Variants in NRG1 observed in about 807,000 individuals in gnomAD.
NRG1 encodes the protein pro-neuregulin-1, membrane-bound isoform.
NRG1 carries 18 observed loss-of-function variants against 63.8 expected under a neutral mutation model. The ratio of observed to expected loss-of-function variants is 0.28; its 90% CI spans 0.19 to 0.42. NRG1 has a LOEUF of 0.42. NRG1 is among the 10% of genes least tolerant of loss of function. The pLI is 1.00. For missense variants in NRG1, 762 were observed against 814.7 expected (o/e 0.94, Z 0.79); for synonymous variants, 302 against 301.3 (o/e 1.00, Z -0.02).
At chr8:31,788,066 A>G (rs1223423390) in intron 1 of NRG1, among the ~76,000 whole-genome samples, 1 of 152,196 alleles carries the variant, frequency 6.6e-6, no homozygotes, top group Non-Finnish European at 1.5e-5. Context: ...GCTAGAAATT[A>G]CAGTCAGTGA....
At chr8:32,304,569 T>A (rs1855978727) in intron 1 of NRG1, among the ~76,000 whole-genome samples, 1 of 151,142 alleles carries the variant, frequency 6.6e-6, no homozygotes, top group South Asian at 2.1e-4. Context: ...CTTTTAAATA[T>A]TTGTTAATGA....
chr8:32,104,937 A>G (rs1831069686), intron 1 of NRG1, among the ~76,000 whole-genome samples: 1 of 152,050 alleles, frequency 6.6e-6, no homozygotes, highest in Non-Finnish European at 1.5e-5. Flanking sequence ...AAATACATGT[A>G]GAAGCAGTAC....
At chr8:32,667,132 G>T (rs1305426467) in intron 5 of NRG1, among the ~76,000 whole-genome samples, 1 of 152,136 alleles carries the variant, frequency 6.6e-6, no homozygotes, top group Non-Finnish European at 1.5e-5. Flanking sequence ...AGAATCTTTT[G>T]CTCCTAGGCT....
chr8:31,992,784 T>C (rs951521098), intron 1 of NRG1, among the ~76,000 whole-genome samples: 4 of 151,996 alleles, frequency 2.6e-5, no homozygotes, highest in African/African-American at 9.7e-5. Context: ...ATTAGCTCCA[T>C]TGCAAAATAG....
At chr8:31,823,393 T>C (rs1319379583) in intron 1 of NRG1, among the ~76,000 whole-genome samples, 2 of 152,226 alleles carry the variant, frequency 1.3e-5, no homozygotes, top group East Asian at 3.9e-4. Flanking sequence ...TTTATTATGC[T>C]AAAATTGTGT....
intron 1 of NRG1, among the ~76,000 whole-genome samples, chr8:32,007,907 G>A (rs1814046521): frequency 6.6e-6 from 1 of 151,834 alleles, no homozygotes; most frequent in Non-Finnish European, 1.5e-5. Flanking sequence ...ATGAGTGACT[G>A]CACTGTGATT....
chr8:32,684,592 A>G (rs1185798324), intron 5 of NRG1, among the ~76,000 whole-genome samples: 1 of 152,150 alleles, frequency 6.6e-6, no homozygotes, highest in Non-Finnish European at 1.5e-5. Flanking sequence ...GAAAGCTACA[A>G]GAGGTGTTAT....
chr8:32,456,009 C>T (rs1821549850), intron 1 of NRG1, among the ~76,000 whole-genome samples: 1 of 152,180 alleles, frequency 6.6e-6, no homozygotes, highest in South Asian at 2.1e-4. Flanking sequence ...GTCTGGAACT[C>T]TTGACTTCAA....
intron 5 of NRG1, among the ~76,000 whole-genome samples, chr8:32,669,131 A>C (rs377196646): frequency 6.6e-6 from 1 of 152,312 alleles, no homozygotes; most frequent in South Asian, 2.1e-4. Context: ...CTTATTTTAC[A>C]TTGTTCTGGA....
intron 1 of NRG1, among the ~76,000 whole-genome samples, chr8:32,401,972 G>A (rs748633761): frequency 5.9e-5 from 9 of 152,174 alleles, no homozygotes; most frequent in African/African-American, 9.6e-5. Flanking sequence ...GTGCAGTGGC[G>A]CGATCTTGGT....
At chr8:32,162,372 C>T (rs1838928557) in intron 1 of NRG1, among the ~76,000 whole-genome samples, 1 of 152,014 alleles carries the variant, frequency 6.6e-6, no homozygotes, top group Non-Finnish European at 1.5e-5. Context: ...CATTTTTCAC[C>T]TTGGATTCAG....
intron 1 of NRG1, among the ~76,000 whole-genome samples, chr8:32,419,494 G>A (rs924071833): frequency 6.6e-6 from 1 of 152,236 alleles, no homozygotes; most frequent in East Asian, 1.9e-4. Context: ...TGTAAAGGTA[G>A]AACTAGACCC....
chr8:32,396,963 C>A (rs1380454118), intron 1 of NRG1, among the ~76,000 whole-genome samples: 1 of 152,112 alleles, frequency 6.6e-6, no homozygotes, highest in East Asian at 1.9e-4. Context: ...TTCTTGTAGC[C>A]TCTATCCATT....
chr8:32,220,619 G>T (rs1454270923), intron 1 of NRG1, among the ~76,000 whole-genome samples: 1 of 152,116 alleles, frequency 6.6e-6, no homozygotes, highest in African/African-American at 2.4e-5. Context: ...AGAACTAGTC[G>T]GACCTAAGGG....
chr8:32,370,574 C>T (rs533018392), intron 1 of NRG1, among the ~76,000 whole-genome samples: 9 of 152,052 alleles, frequency 5.9e-5, no homozygotes, highest in Admixed American at 3.3e-4. Context: ...AGCTGTCTTA[C>T]GAGCCAGGCG....
intron 1 of NRG1, among the ~76,000 whole-genome samples, chr8:32,346,932 C>T (rs1804977916): frequency 6.6e-6 from 1 of 151,794 alleles, no homozygotes; most frequent in South Asian, 2.1e-4. Context: ...CAGGTTCATG[C>T]CATTCTCCTG....
chr8:31,758,508 A>G lies in NRG1; in HGVS notation c.37+119077A>G, dbSNP rs1817210472. 2.0e-5 allele frequency among the ~76,000 whole-genome samples: 3 copies of G among 152,298 alleles called. No individual in the cohort carries two copies. In the South Asian group the frequency reaches 6.2e-4, roughly 32 times the overall value. ...ACACTGAATAAAGAAACTGTGGCACATACACACCATGGAATACTGTGCAGC... is the reference window on the plus strand; with the variant it reads ...ACACTGAATAAAGAAACTGTGGCACGTACACACCATGGAATACTGTGCAGC... On this transcript the variant is annotated intron_variant, in intron 1 of 10. Transcript: ENST00000519301.
chr8:32,618,871 A>G (rs904169280), intron 5 of NRG1, among the ~76,000 whole-genome samples: 1 of 152,116 alleles, frequency 6.6e-6, no homozygotes, highest in Non-Finnish European at 1.5e-5. Context: ...TAAATTGTTG[A>G]TATTTGGACA....
chr8:31,740,776 C>T, intron 1 of NRG1, among the ~76,000 whole-genome samples: 1 of 151,690 alleles, frequency 6.6e-6, no homozygotes, highest in Non-Finnish European at 1.5e-5. Context: ...GTGTGGTAAG[C>T]AATTGATCTG....
Sources: allele counts gnomAD v4.1 joint callset (sites outside exome capture counted in the v4.1 genomes callset), GRCh38; gene constraint gnomAD v4.1.1; transcripts MANE v1.5; gene names NCBI Gene and HGNC (gene_info 2026-07-23, HGNC 2026-07-21).